NMT1: variants seen among roughly 807,000 people sequenced by gnomAD.
NMT1 encodes N-myristoyltransferase 1.
Under a neutral mutation model 63.4 loss-of-function variants are expected in NMT1, and 12 were observed. The observed-to-expected ratio is 0.19, with a 90% CI of 0.12 to 0.31. The LOEUF (loss-of-function observed/expected upper bound fraction) is 0.31. Ranked by LOEUF, NMT1 falls within the 10% of genes least tolerant of loss-of-function variation. The pLI is 1.00. For synonymous variants in NMT1, 228 were observed against 234.3 expected (o/e 0.97, Z 0.25); for missense variants, 432 against 634.6 (o/e 0.68, Z 3.43).
chr17:45,066,426 C>T (rs538814103), intron 1 of NMT1, among the ~76,000 whole-genome samples: 3 of 152,106 alleles, frequency 2.0e-5, no homozygotes, highest in South Asian at 2.1e-4. Flanking sequence ...GTGTTTCCTC[C>T]GTAATTAAAT....
intron 1 of NMT1, among the ~76,000 whole-genome samples, chr17:45,075,524 G>GTAATCCC (rs1454863492): frequency 2.0e-5 from 3 of 150,652 alleles, no homozygotes; most frequent in Non-Finnish European, 4.4e-5. Flanking sequence ...GCTCACGCCT[G>GTAATCCC]TAATCCCAGC....
intron 1 of NMT1, among the ~76,000 whole-genome samples, chr17:45,067,461 TCTC>T (rs1056659172): frequency 6.6e-6 from 1 of 152,196 alleles, no homozygotes; most frequent in African/African-American, 2.4e-5. Flanking sequence ...CTTTATAAGT[TCTC>T]CTCATTTCCT....
At chr17:45,085,353 A>G (rs910110677) in intron 2 of NMT1, among the ~76,000 whole-genome samples, 4 of 152,214 alleles carry the variant, frequency 2.6e-5, no homozygotes, top group African/African-American at 9.6e-5. Flanking sequence ...TGTGGTCCAT[A>G]CATACAGTGG....
At chr17:45,100,352 A>G (rs147551457) in intron 8 of NMT1, among the ~76,000 whole-genome samples, 16,525 of 145,838 alleles carry the variant, frequency 0.11, 992 homozygotes, top group Middle Eastern at 0.2. Flanking sequence ...AGATCACGAG[A>G]TCAGGAGATC....
Position 45,073,206 on chromosome 17 carries a change from G to A in NMT1, c.132-8438G>A, listed in dbSNP as rs146874800. Among the ~76,000 whole-genome samples, 17 of 152,072 alleles carry A rather than the reference G, an allele frequency of 1.1e-4. No individual in the cohort carries two copies. In the South Asian group the frequency reaches 2.1e-3, roughly 19 times the overall value. On this transcript the variant is annotated intron_variant, in intron 1 of 11. Transcript: ENST00000258960. Reference sequence around the variant, plus strand: ...AGGAGGCTGAGGCAGATCACTTGAGGCCAGGAGTTCGAGACCAGCCTGGCC... The same window carrying A: ...AGGAGGCTGAGGCAGATCACTTGAGACCAGGAGTTCGAGACCAGCCTGGCC...
At chr17:45,072,466 T>C (rs943410586) in intron 1 of NMT1, among the ~76,000 whole-genome samples, 1 of 151,436 alleles carries the variant, frequency 6.6e-6, no homozygotes, top group South Asian at 2.1e-4. Context: ...GGTTTCGCCA[T>C]GTTGGCCAGG....
chr17:45,082,845 G>A (rs2143483037), intron 2 of NMT1, among the ~76,000 whole-genome samples: 1 of 151,826 alleles, frequency 6.6e-6, no homozygotes, highest in South Asian at 2.1e-4. Flanking sequence ...GTAAAACCCT[G>A]TCTCTGCTAA....
At chr17:45,093,351 C>T (rs1180868833) in intron 3 of NMT1, among the ~76,000 whole-genome samples, 2 of 152,252 alleles carry the variant, frequency 1.3e-5, no homozygotes, top group Non-Finnish European at 2.9e-5. Context: ...GGCCAGGGCC[C>T]TGACAGCACT....
In NMT1 at chr17:45,106,154, AAG is replaced by A. The variant is rs1261580556; in HGVS notation, c.*518_*519del. The A allele has an allele frequency of 1.3e-5, 2 of 152,494 alleles. No individual in the cohort carries two copies. Among genetic ancestry groups the A allele is most frequent in the South Asian group, 4.2e-4 (2 of 4,818 alleles). The allele number at this position is 152,494 out of a possible 1,614,324, so 9.4% of individuals were successfully genotyped here. A position where few individuals can be genotyped will look rare whatever the true frequency, so the allele number is the denominator to read the frequency against. On this transcript the variant is annotated 3_prime_UTR_variant, in exon 12 of 12. Coordinates refer to ENST00000258960, the MANE Select transcript of NMT1 (RefSeq NM_021079.5). ...GAGACATTGGCTTATCATGGGGAAAAAGAGGATCTGGAGAACCTCATCCAGCT... is the reference window on the plus strand; with the variant it reads ...GAGACATTGGCTTATCATGGGGAAAAAGGATCTGGAGAACCTCATCCAGCT...
At chr17:45,081,878 G>C (rs2054019276) in intron 2 of NMT1, 126 bp downstream of exon 2, 1 of 758,854 alleles carries the variant, frequency 1.3e-6, no homozygotes, top group African/African-American at 1.8e-5. Flanking sequence ...GGAAGAGTTG[G>C]ATCCCAGTGC....
intron 1 of NMT1, among the ~76,000 whole-genome samples, chr17:45,069,295 T>C (rs2053924950): frequency 2.0e-5 from 3 of 148,498 alleles, no homozygotes; most frequent in African/African-American, 7.5e-5. Flanking sequence ...TTTATTTATT[T>C]ATTTATTTAT....
intron 3 of NMT1, among the ~76,000 whole-genome samples, chr17:45,089,730 C>T (rs1347646446): frequency 1.3e-5 from 2 of 152,084 alleles, no homozygotes; most frequent in Non-Finnish European, 2.9e-5. Context: ...CCTTGATCTC[C>T]TGGGCTCAAG....
intron 3 of NMT1, among the ~76,000 whole-genome samples, chr17:45,091,884 A>G (rs1177816114): frequency 1.3e-5 from 2 of 152,130 alleles, no homozygotes. Context: ...AGCCAGGCGT[A>G]GTGGCGCATG....
rs2054124379 is a variant in NMT1, at chr17:45,096,287, T to A, written c.596+2T>A. On this transcript the variant is annotated splice_donor_variant, in intron 5 of 11. Transcript: ENST00000258960. LOFTEE classifies it high-confidence loss of function. ...TTATTCCCCGGAGTTTCTTTTGTGG[T>A]AAGTTGTGGGGGCTTTCTTGAGGTT... 1 of 1,612,346 alleles carries A rather than the reference T, an allele frequency of 6.2e-7. No homozygotes were observed. The highest frequency in any genetic ancestry group is 1.1e-5 in the South Asian group (1 of 91,050).
At chr17:45,079,804 A>G (rs1372018933) in intron 1 of NMT1, among the ~76,000 whole-genome samples, 2 of 151,926 alleles carry the variant, frequency 1.3e-5, no homozygotes, top group South Asian at 2.1e-4. Context: ...GGTTCACGCC[A>G]TTCTCCTACC....
In NMT1 at chr17:45,104,768, C is replaced by T; in HGVS notation, c.1333-91C>T. ...GGAACCTTGTTCTTGTGGCTGCCCA[C>T]AGGACAGCTTTGAAATGGCAGCAAA... On this transcript the variant is annotated intron_variant, in intron 10 of 11. Coordinates refer to ENST00000258960, the MANE Select transcript of NMT1 (RefSeq NM_021079.5). This position sits in a 1 kb window ranked among gnomAD's most constrained non-coding sequence, Gnocchi z 4.2. 6.4e-7 allele frequency: 1 copy of T among 1,571,248 alleles called. No individual in the cohort carries two copies. Among genetic ancestry groups the T allele is most frequent in the Non-Finnish European group, 8.7e-7 (1 of 1,155,572 alleles).
At chr17:45,081,794 C>T in intron 2 of NMT1, 42 bp downstream of exon 2, 1 of 1,434,668 alleles carries the variant, frequency 7.0e-7, no homozygotes. Flanking sequence ...GTCACTTTTT[C>T]ACATGAGAGA....
In NMT1 at chr17:45,104,413, C is replaced by T. The variant is rs1210818607; in HGVS notation, c.1333-446C>T. 3.6e-6 allele frequency: 4 copies of T among 1,117,874 alleles called. No individual in the cohort carries two copies. The African/African-American group carries it at 6.5e-5, about 18-fold the overall frequency. The allele number at this position is 1,117,874 out of a possible 1,614,324, so 69.2% of individuals were successfully genotyped here. A position where few individuals can be genotyped will look rare whatever the true frequency, so the allele number is the denominator to read the frequency against. On this transcript the variant is annotated intron_variant, in intron 10 of 11. Transcript: ENST00000258960. This position sits in a 1 kb window ranked among gnomAD's most constrained non-coding sequence, Gnocchi z 4.2. The stretch of plus-strand genomic sequence containing the variant: ...GCATCTTCACAGTCTCCAAGCAACA[C>T]AGCAGGTGTCATACAACATGAGGTG...
chr17:45,101,612 C>T (rs1403404052), intron 8 of NMT1, among the ~76,000 whole-genome samples: 10 of 118,098 alleles, frequency 8.5e-5, no homozygotes, highest in Non-Finnish European at 1.4e-4. Context: ...AGCAAGACTC[C>T]GTCGCAAAAA....
Sources: allele counts gnomAD v4.1 joint callset (sites outside exome capture counted in the v4.1 genomes callset), GRCh38; gene constraint gnomAD v4.1.1; non-coding constraint Gnocchi (gnomAD v3.1); transcripts MANE v1.5; gene names NCBI Gene and HGNC (gene_info 2026-07-23, HGNC 2026-07-21).